RANBP2: variants seen among roughly 807,000 people sequenced by gnomAD.
The protein encoded by RANBP2 is RAN binding protein 2.
In RANBP2, 57 loss-of-function variants were observed where a neutral mutation model predicts 303.6. The observed-to-expected ratio is 0.19, with a 90% CI of 0.15 to 0.23. The LOEUF (loss-of-function observed/expected upper bound fraction) is 0.23, where lower values mean the gene tolerates loss of function less well. RANBP2 is among the 10% of genes least tolerant of loss of function. The pLI is 1.00. For missense variants in RANBP2, 3,138 were observed against 3,780.8 expected (o/e 0.83, Z 4.46); for synonymous variants, 1,167 against 1,301.5 (o/e 0.90, Z 2.23).
chr2:109,635,484 G>A, the RANBP2 span, among the ~76,000 whole-genome samples: 1 of 152,088 alleles, frequency 6.6e-6, no homozygotes, highest in East Asian at 1.9e-4. Flanking sequence ...CGCCCAGCTA[G>A]CATATTGTAT....
At chr2:109,012,607 G>GA in the RANBP2 span, among the ~76,000 whole-genome samples, 9 of 135,460 alleles carry the variant, frequency 6.6e-5, no homozygotes, top group Non-Finnish European at 1.2e-4. Context: ...CTTTTCCTTA[G>GA]AAAAAAAAAT....
chr2:108,764,947 A>G lies in RANBP2; in HGVS notation c.4408A>G (p.Ser1470Gly), dbSNP rs774771849. 5 of 1,614,062 alleles carry G rather than the reference A, an allele frequency of 3.1e-6. No homozygotes were observed. In the South Asian group the frequency reaches 3.3e-5, roughly 11 times the overall value. Residue 1470 changes from serine (S) to glycine (G), a missense_variant, in exon 20 of 29, where the codon AGT (serine) becomes GGT (glycine). This residue lies in a region of RANBP2 where 388 missense variants were observed against 328.5 expected (regional missense o/e 1.18). Transcript: ENST00000283195. Reference protein sequence around the residue: ...GQGDLPKPINSDFRSVFSTKE... With the variant: ...GQGDLPKPINGDFRSVFSTKE... ...GGGAGATCTTCCTAAACCTATTAAC[A>G]GTGATTTCAGATCTGTTTTTTCTAC...
chr2:109,774,522 T>TAA, the RANBP2 span, among the ~76,000 whole-genome samples: 2 of 83,306 alleles, frequency 2.4e-5, no homozygotes, highest in Non-Finnish European at 4.0e-5. Context: ...ATAATATATA[T>TAA]TATATATATT....
chr2:109,399,243 A>C, the RANBP2 span, among the ~76,000 whole-genome samples: 1 of 152,196 alleles, frequency 6.6e-6, no homozygotes, highest in African/African-American at 2.4e-5. Flanking sequence ...TCCCCGTGTC[A>C]GTCGGCTTCC....
At chr2:109,464,805 T>A in the RANBP2 span, among the ~76,000 whole-genome samples, 8 of 152,220 alleles carry the variant, frequency 5.3e-5, no homozygotes, top group Admixed American at 4.6e-4. Context: ...CTGATGAACC[T>A]ACCTTGACAC....
intron 28 of RANBP2, 147 bp downstream of exon 28, chr2:108,783,009 C>CT: frequency 1.4e-6 from 1 of 733,378 alleles, no homozygotes; most frequent in Non-Finnish European, 2.3e-6. Flanking sequence ...CATGGCATCA[C>CT]TACCCATTCC....
At chr2:109,028,533 G>T in the RANBP2 span, among the ~76,000 whole-genome samples, 1 of 152,100 alleles carries the variant, frequency 6.6e-6, no homozygotes, top group Admixed American at 6.6e-5. Context: ...TGTATTTGAG[G>T]GTGACAGTCC....
chr2:108,774,190 A>G (rs980535548), intron 23 of RANBP2, among the ~76,000 whole-genome samples: 1 of 152,228 alleles, frequency 6.6e-6, no homozygotes, highest in Non-Finnish European at 1.5e-5. Flanking sequence ...TGGTCATGGT[A>G]CAATTTTGTT....
At chr2:109,385,134 TCAGA>T in the RANBP2 span, among the ~76,000 whole-genome samples, 21 of 152,334 alleles carry the variant, frequency 1.4e-4, no homozygotes, top group Admixed American at 5.2e-4. Flanking sequence ...CACGTTGGCA[TCAGA>T]CAGTCGAGCA....
the RANBP2 span, among the ~76,000 whole-genome samples, chr2:109,744,087 T>G: frequency 9.8e-6 from 1 of 102,354 alleles, no homozygotes; most frequent in African/African-American, 2.7e-5. Flanking sequence ...GATGAACATG[T>G]GAGTGCAAGT....
chr2:108,773,000 A>T lies in RANBP2; in HGVS notation c.8246A>T (p.Asn2749Ile). The T allele has an allele frequency of 6.2e-7, 1 of 1,613,964 alleles. No individual in the cohort carries two copies. ...AGTGATACTGATGAAGACAATGGAA[A>T]TGGGGAGGACTTTCAATCAGAGCTT... ...VCSDTDEDNG[N>I]GEDFQSELQK... is the part of the protein sequence containing the mutation. Residue 2749 changes from asparagine to isoleucine, a missense_variant, in exon 23 of 29, where the codon AAT (asparagine) becomes ATT (isoleucine). Around this residue, in one of 20 missense-constraint regions of RANBP2, gnomAD observed 497 missense variants for 465.8 expected, o/e 1.07. Transcript: ENST00000283195.
intron 1 of RANBP2, among the ~76,000 whole-genome samples, chr2:108,722,764 G>A (rs576171874): frequency 1.3e-3 from 193 of 151,240 alleles, no homozygotes; most frequent in African/African-American, 4.5e-3. Flanking sequence ...TGGTGGCAGC[G>A]CCTGTAGTCC....
At chr2:109,206,580 G>A in the RANBP2 span, among the ~76,000 whole-genome samples, 1 of 151,592 alleles carries the variant, frequency 6.6e-6, no homozygotes, top group Non-Finnish European at 1.5e-5. Flanking sequence ...AGGTCAAGGA[G>A]GGAGGATAGC....
chr2:108,887,381 T>C, the RANBP2 span, among the ~76,000 whole-genome samples: 1 of 152,178 alleles, frequency 6.6e-6, no homozygotes, highest in African/African-American at 2.4e-5. Context: ...CCATATGAAT[T>C]TTAGGATTGC....
the RANBP2 span, among the ~76,000 whole-genome samples, chr2:109,709,912 A>G: frequency 6.6e-6 from 1 of 151,864 alleles, no homozygotes; most frequent in Non-Finnish European, 1.5e-5. Flanking sequence ...ACATGGTGAA[A>G]CCCCATCTCT....
chr2:109,152,309 G>C, the RANBP2 span, among the ~76,000 whole-genome samples: 1 of 152,240 alleles, frequency 6.6e-6, no homozygotes, highest in Admixed American at 6.5e-5. Flanking sequence ...CTTTATAGTT[G>C]TGGGGAATGT....
chr2:109,533,064 C>G, the RANBP2 span, among the ~76,000 whole-genome samples: 1 of 152,088 alleles, frequency 6.6e-6, no homozygotes, highest in African/African-American at 2.4e-5. Flanking sequence ...ATAGACACGT[C>G]AGGTGATGAC....
At chr2:109,485,033 T>C in the RANBP2 span, among the ~76,000 whole-genome samples, 3 of 152,240 alleles carry the variant, frequency 2.0e-5, no homozygotes, top group Non-Finnish European at 2.9e-5. Context: ...ACGTAACCCA[T>C]CAGCGTGTGC....
chr2:109,403,081 T>C, the RANBP2 span, among the ~76,000 whole-genome samples: 1 of 152,160 alleles, frequency 6.6e-6, no homozygotes, highest in African/African-American at 2.4e-5. Flanking sequence ...GTTTTGCTCT[T>C]TCTTTGGTGT....
Sources: allele counts gnomAD v4.1 joint callset (sites outside exome capture counted in the v4.1 genomes callset), GRCh38; gene constraint gnomAD v4.1.1; regional missense constraint gnomAD v4.1.1; transcripts MANE v1.5; gene names NCBI Gene and HGNC (gene_info 2026-07-23, HGNC 2026-07-21).